DIAPH1: variants seen among roughly 807,000 people sequenced by gnomAD.
The protein encoded by DIAPH1 is protein diaphanous homolog 1.
Under a neutral mutation model 140.7 loss-of-function variants are expected in DIAPH1, and 46 were observed. The ratio of observed to expected loss-of-function variants is 0.33; its 90% CI spans 0.26 to 0.42. DIAPH1 has a LOEUF of 0.42. DIAPH1 is among the 10% of genes least tolerant of loss of function. The pLI is 1.00. For synonymous variants in DIAPH1, 565 were observed against 551.6 expected (o/e 1.02, Z -0.34); for missense variants, 1,310 against 1,558.7 (o/e 0.84, Z 2.69).
rs756334582 is a variant in DIAPH1 at position 141,578,659 on chromosome 5, C to A, written c.934-34G>T. On this transcript the variant is annotated intron_variant, in intron 9 of 27. Coordinates refer to ENST00000389054, the MANE Select transcript of DIAPH1 (RefSeq NM_005219.5). ...AGAAAATTCAGCAGCTATGTCAATG[C>A]TAACTCCTGGAGATCAAGAATCCAT... The A allele has an allele frequency of 2.0e-6, 3 of 1,498,932 alleles. No homozygotes were observed. In the South Asian group the frequency reaches 3.4e-5, roughly 17 times the overall value. 92.9% of individuals were successfully genotyped at this position (1,498,932 alleles called of 1,614,324 possible). A position where few individuals can be genotyped will look rare whatever the true frequency, so the allele number is the denominator to read the frequency against.
chr5:141,577,533 G>A lies in DIAPH1; in HGVS notation c.1222C>T (p.Pro408Ser), dbSNP rs2099896140. ...LNTVKDSKAE[P>S]HFLSILQHLL... ...TGCTGCAGGATGGAAAGGAAGTGTGGCTCTGCCTTTGAATCCTTCACTGTG... is the reference window on the plus strand; with the variant it reads ...TGCTGCAGGATGGAAAGGAAGTGTGACTCTGCCTTTGAATCCTTCACTGTG... The change falls in exon 12 of 28, where the codon CCA becomes TCA. Residue 408 changes from proline to serine, a missense_variant. Physicochemically the swap from Pro to Ser is moderately conservative, Grantham distance 74. Coordinates refer to ENST00000389054, the MANE Select transcript of DIAPH1 (RefSeq NM_005219.5). The A allele has an allele frequency of 6.2e-7, 1 of 1,613,860 alleles. No individual in the cohort carries two copies. The highest frequency in any genetic ancestry group is 1.3e-5 in the African/African-American group (1 of 74,918).
At chr5:141,592,736 T>G (rs914067674) in intron 1 of DIAPH1, among the ~76,000 whole-genome samples, 3 of 152,218 alleles carry the variant, frequency 2.0e-5, no homozygotes, top group African/African-American at 7.2e-5. Context: ...TCTCACTTCC[T>G]GGCCCTTCTA....
At chr5:141,536,493 C>G (rs565985739) in intron 18 of DIAPH1, among the ~76,000 whole-genome samples, 4 of 151,784 alleles carry the variant, frequency 2.6e-5, no homozygotes, top group African/African-American at 9.7e-5. Flanking sequence ...TACGTCCTAA[C>G]AAAAATAAAT....
intron 6 of DIAPH1, among the ~76,000 whole-genome samples, chr5:141,582,721 T>C (rs58856117): frequency 0.13 from 20,449 of 152,254 alleles, 1,365 homozygotes; most frequent in South Asian, 0.17. Context: ...AAGATATATG[T>C]AGGTCTTGGC....
At chr5:141,590,676 A>G (rs1362932159) in intron 1 of DIAPH1, among the ~76,000 whole-genome samples, 1 of 152,060 alleles carries the variant, frequency 6.6e-6, no homozygotes, top group Non-Finnish European at 1.5e-5. Flanking sequence ...GATGTAATGT[A>G]GATAACAGAA....
Position 141,528,926 on chromosome 5 carries a change from G to A in DIAPH1, c.2794C>T (p.Arg932Ter), listed in dbSNP as rs1057524293. 6.2e-7 allele frequency: 1 copy of A among 1,613,764 alleles called. No individual in the cohort carries two copies. The highest frequency in any genetic ancestry group is 8.5e-7 in the Non-Finnish European group (1 of 1,180,034). Residue 932 changes from arginine (R) to a stop codon, truncating the protein, a stop_gained, in exon 22 of 28, where the codon CGA becomes TGA. Transcript: ENST00000389054. LOFTEE classifies it high-confidence loss of function. Reference protein sequence around the residue: ...QFGVVMGTVPRLRPRLNAILF... With the variant: ...QFGVVMGTVP Reference sequence around the variant, plus strand: ...ATGGCATTGAGGCGAGGCCGCAGTCGGGGCACAGTGCCCATCTAGTAAAGA... The same window carrying A: ...ATGGCATTGAGGCGAGGCCGCAGTCAGGGCACAGTGCCCATCTAGTAAAGA...
chr5:141,553,903 CAG>C (rs970451971), intron 18 of DIAPH1, among the ~76,000 whole-genome samples: 4 of 151,974 alleles, frequency 2.6e-5, no homozygotes, highest in Non-Finnish European at 5.9e-5. Flanking sequence ...GAAAGAAAAA[CAG>C]AGAAATCAGG....
chr5:141,584,718 T>C (rs1051628635), intron 3 of DIAPH1, among the ~76,000 whole-genome samples: 1 of 152,066 alleles, frequency 6.6e-6, no homozygotes, highest in Non-Finnish European at 1.5e-5. Flanking sequence ...GGAAACTCTA[T>C]GATAAAGCAG....
intron 3 of DIAPH1, among the ~76,000 whole-genome samples, chr5:141,585,598 G>A (rs780188510): frequency 5.3e-5 from 8 of 151,966 alleles, no homozygotes; most frequent in Admixed American, 2.0e-4. Flanking sequence ...TCAGGGGTTC[G>A]AGACTAGCCT....
intron 18 of DIAPH1, among the ~76,000 whole-genome samples, chr5:141,535,446 TTGTTATCTATATC>T (rs1210136893): frequency 6.6e-6 from 1 of 152,242 alleles, no homozygotes; most frequent in African/African-American, 2.4e-5. Flanking sequence ...TTCATGGTAT[TTGTTATCTATATC>T]TCATCCAACA....
intron 19 of DIAPH1, 147 bp from the exon 20 acceptor site, chr5:141,529,844 G>C (rs1285017352): frequency 1.4e-6 from 1 of 728,956 alleles, no homozygotes. Flanking sequence ...AGCACTTCGG[G>C]AGGCCAAGGT....
At chr5:141,605,892 A>G (rs2099900855) in intron 1 of DIAPH1, among the ~76,000 whole-genome samples, 2 of 152,194 alleles carry the variant, frequency 1.3e-5, no homozygotes, top group Non-Finnish European at 2.9e-5. Flanking sequence ...CAGACCTAGA[A>G]GTAAGTAACG....
intron 1 of DIAPH1, chr5:141,589,264 A>T (rs894863868): frequency 6.6e-6 from 1 of 152,466 alleles, no homozygotes; most frequent in Non-Finnish European, 1.5e-5. Context: ...TGGCAAAAGT[A>T]GCCACCTTCG....
intron 1 of DIAPH1, among the ~76,000 whole-genome samples, chr5:141,599,716 A>G (rs2099899848): frequency 6.6e-6 from 1 of 152,118 alleles, no homozygotes; most frequent in Non-Finnish European, 1.5e-5. Context: ...TCATGGGCTA[A>G]TTTAGTGTGA....
intron 1 of DIAPH1, among the ~76,000 whole-genome samples, chr5:141,615,413 A>T (rs1211281482): frequency 7.5e-6 from 1 of 132,916 alleles, no homozygotes; most frequent in Non-Finnish European, 1.6e-5. Flanking sequence ...AGCCTTGGAC[A>T]CAGCAAGACT....
In DIAPH1 at chr5:141,573,227, G is replaced by A. The variant is rs946613459; in HGVS notation, c.2358+265C>T. ...CGAGACGGGCGGATCACGAGGTCAG[G>A]AGATCGAGACCATCCTGGCTAACAC... On this transcript the variant is annotated intron_variant, in intron 16 of 27. Coordinates refer to ENST00000389054, the MANE Select transcript of DIAPH1 (RefSeq NM_005219.5). Among the ~76,000 whole-genome samples the A allele has an allele frequency of 2.6e-5, 4 of 152,100 alleles. No homozygotes were observed. The East Asian group carries it at 5.8e-4, about 22-fold the overall frequency.
intron 18 of DIAPH1, among the ~76,000 whole-genome samples, chr5:141,556,930 C>T (rs2099892691): frequency 6.6e-6 from 1 of 152,128 alleles, no homozygotes; most frequent in Non-Finnish European, 1.5e-5. Context: ...CCCAACCTCA[C>T]GTGATCCGCC....
chr5:141,575,742 TA>T (rs1236058251), intron 14 of DIAPH1, among the ~76,000 whole-genome samples: 3 of 151,960 alleles, frequency 2.0e-5, no homozygotes, highest in East Asian at 1.9e-4. Context: ...TTTTTATAGT[TA>T]AAAAAAATAA....
intron 6 of DIAPH1, among the ~76,000 whole-genome samples, chr5:141,582,612 T>C (rs1190459441): frequency 6.6e-6 from 1 of 152,216 alleles, no homozygotes; most frequent in Non-Finnish European, 1.5e-5. Flanking sequence ...TATTAAAATC[T>C]TCTTTTTAAC....
Sources: allele counts gnomAD v4.1 joint callset (sites outside exome capture counted in the v4.1 genomes callset), GRCh38; gene constraint gnomAD v4.1.1; transcripts MANE v1.5; gene names NCBI Gene and HGNC (gene_info 2026-07-23, HGNC 2026-07-21).